ZFHX3: variants seen among roughly 807,000 people sequenced by gnomAD.
ZFHX3 encodes zinc finger homeobox protein 3.
In ZFHX3, 42 loss-of-function variants were observed where a neutral mutation model predicts 279.1. That is an observed-to-expected ratio of 0.15 (90% CI 0.12 to 0.19). The LOEUF is 0.19. ZFHX3 is among the 10% of genes least tolerant of loss of function. ZFHX3 has a pLI of 1.00. For synonymous variants in ZFHX3, 2,293 were observed against 1,957.8 expected (o/e 1.17, Z -4.52); for missense variants, 4,981 against 4,754.0 (o/e 1.05, Z -1.40).
At chr16:73,315,827 C>T (rs975647073) in intron 4 of ZFHX3, among the ~76,000 whole-genome samples, 5 of 152,194 alleles carry the variant, frequency 3.3e-5, no homozygotes, top group African/African-American at 7.2e-5. Flanking sequence ...ACTCACTTCC[C>T]GTTTTCAGTT....
At chr16:72,792,131 G>T (rs1037131841) in intron 9 of ZFHX3, among the ~76,000 whole-genome samples, 3 of 152,176 alleles carry the variant, frequency 2.0e-5, no homozygotes, top group Admixed American at 6.5e-5. Flanking sequence ...ATCCAGAGAA[G>T]ATGTGAGGAC....
chr16:73,023,519 G>A (rs374381547), intron 1 of ZFHX3, among the ~76,000 whole-genome samples: 17 of 152,296 alleles, frequency 1.1e-4, no homozygotes, highest in Non-Finnish European at 2.2e-4. Flanking sequence ...CATAAGCCAC[G>A]AGGGCCAAAG....
rs767605585 is a variant in ZFHX3 at position 72,960,052 on chromosome 16, G to C, written c.94C>G (p.Leu32Val). Reference protein sequence around the residue: ...QQWTELNSTHLPDKPSSMEQS... With the variant: ...QQWTELNSTHVPDKPSSMEQS... ...TCCATGCTACTGGGTTTGTCAGGGA[G>C]GTGGGTGCTGTTGAGTTCAGTCCAT... is the stretch of plus-strand genomic sequence containing the variant. The change falls in exon 2 of 10, where the codon CTC (leucine) becomes GTC (valine). Residue 32 changes from leucine to valine, a missense_variant. By Grantham distance (32) the Leu-to-Val change is conservative. This residue lies in a region of ZFHX3 where 1,068 missense variants were observed against 935.2 expected (regional missense o/e 1.14). Transcript: ENST00000268489. The C allele has an allele frequency of 1.2e-6, 2 of 1,614,074 alleles. No homozygotes were observed. Among genetic ancestry groups the C allele is most frequent in the Non-Finnish European group, 8.5e-7 (1 of 1,179,968 alleles).
chr16:73,419,955 G>A (rs1238030416), intron 3 of ZFHX3: 1 of 151,076 alleles, frequency 6.6e-6, no homozygotes, highest in Non-Finnish European at 1.5e-5. Context: ...CACCCAGGCT[G>A]GAGTCCAGAG....
intron 1 of ZFHX3, among the ~76,000 whole-genome samples, chr16:72,970,626 C>G (rs184785572): frequency 6.6e-6 from 1 of 152,342 alleles, no homozygotes; most frequent in African/African-American, 2.4e-5. Flanking sequence ...CAGCTCACAA[C>G]CCCAACCTTC....
At chr16:73,877,948 T>TA (rs1328441904) in intron 1 of ZFHX3, among the ~76,000 whole-genome samples, 4 of 151,988 alleles carry the variant, frequency 2.6e-5, no homozygotes, top group African/African-American at 9.7e-5. Flanking sequence ...TCTCTTTATT[T>TA]AAAAAAGATA....
intron 2 of ZFHX3, among the ~76,000 whole-genome samples, chr16:73,473,364 A>AAC (rs1555519253): frequency 3.3e-5 from 2 of 60,890 alleles, no homozygotes; most frequent in Non-Finnish European, 3.4e-5. Flanking sequence ...AAAACAAAAA[A>AAC]AAAAAAAACA....
At chr16:73,838,762 C>CTGTGTGTG (rs34111835) in intron 1 of ZFHX3, among the ~76,000 whole-genome samples, 2 of 147,878 alleles carry the variant, frequency 1.4e-5, no homozygotes, top group African/African-American at 2.5e-5. Context: ...GTGTGTGTGT[C>CTGTGTGTG]TGTGTGTGTG....
chr16:73,662,181 C>G (rs1243984251), intron 2 of ZFHX3, among the ~76,000 whole-genome samples: 1 of 152,090 alleles, frequency 6.6e-6, no homozygotes, highest in Admixed American at 6.5e-5. Context: ...ATATAATCAC[C>G]TGTTACAGAA....
intron 2 of ZFHX3, among the ~76,000 whole-genome samples, chr16:73,529,936 G>GGTGTGT (rs10666234): frequency 1.3e-5 from 2 of 151,358 alleles, no homozygotes; most frequent in East Asian, 3.9e-4. Context: ...AAGTATTTTG[G>GGTGTGT]GTGTGTGTGT....
chr16:72,880,512 G>A lies in ZFHX3; in HGVS notation c.3448+9219C>T, dbSNP rs959671205. On this transcript the variant is annotated intron_variant, in intron 4 of 9. Transcript: ENST00000268489. ...GGCCTCGGGAGAAGCCAAAACTGCCGGCACCTGGATCTTGAACCTTTAGCG... is the reference window on the plus strand; with the variant it reads ...GGCCTCGGGAGAAGCCAAAACTGCCAGCACCTGGATCTTGAACCTTTAGCG... Among the ~76,000 whole-genome samples, 4 of 152,170 alleles carry A rather than the reference G, an allele frequency of 2.6e-5. No homozygotes were observed. The South Asian group carries it at 6.2e-4, about 24-fold the overall frequency.
intron 2 of ZFHX3, among the ~76,000 whole-genome samples, chr16:73,540,309 C>CT (rs1202666376): frequency 6.6e-6 from 1 of 152,262 alleles, no homozygotes; most frequent in South Asian, 2.1e-4. Context: ...ACGTGAAACT[C>CT]TTTTTTTGTT....
At chr16:73,524,344 T>C (rs149695028) in intron 2 of ZFHX3, among the ~76,000 whole-genome samples, 46 of 152,300 alleles carry the variant, frequency 3.0e-4, no homozygotes, top group African/African-American at 1.1e-3. Context: ...TCCAACCCCT[T>C]CATTGAACAG....
At position 72,793,849 on chromosome 16, in the gene ZFHX3, C is replaced by T; in HGVS notation, c.8833G>A (p.Gly2945Arg). 6.2e-7 allele frequency: 1 copy of T among 1,614,124 alleles called. No homozygotes were observed. ...GKSGDSGDRP[G>R]QKRFRTQMTN... ...ATTTGAGTGCGAAAACGTTTCTGCC[C>T]AGGCCGATCTCCGCTGTCACCAGAT... Residue 2945 changes from glycine to arginine, a missense_variant, in exon 9 of 10, where the codon GGG becomes AGG. Gly to Arg is a moderately radical substitution (Grantham distance 125). Coordinates refer to ENST00000268489, the MANE Select transcript of ZFHX3 (RefSeq NM_006885.4). This position sits in a 1 kb window ranked among gnomAD's most constrained non-coding sequence, Gnocchi z 4.3.
At chr16:72,986,524 C>T (rs1224225118) in intron 1 of ZFHX3, among the ~76,000 whole-genome samples, 6 of 152,156 alleles carry the variant, frequency 3.9e-5, no homozygotes, top group Non-Finnish European at 7.3e-5. Context: ...GGGCTTGGGT[C>T]CCAAGTTCTA....
At chr16:73,442,361 C>CTTTT (rs34507954) in intron 3 of ZFHX3, among the ~76,000 whole-genome samples, 4 of 144,808 alleles carry the variant, frequency 2.8e-5, no homozygotes, top group Non-Finnish European at 3.0e-5. Context: ...CCCATTTCCT[C>CTTTT]TTTTTTTTTT....
At chr16:73,088,639 A>C (rs1344317532) in intron 8 of ZFHX3, among the ~76,000 whole-genome samples, 1 of 152,210 alleles carries the variant, frequency 6.6e-6, no homozygotes, top group Non-Finnish European at 1.5e-5. Context: ...GGGATCAGGT[A>C]GGTACGGCAG....
At chr16:73,174,091 T>G (rs1386001895) in intron 5 of ZFHX3, among the ~76,000 whole-genome samples, 2 of 152,180 alleles carry the variant, frequency 1.3e-5, no homozygotes, top group Non-Finnish European at 2.9e-5. Flanking sequence ...CGGCTTGAGG[T>G]TCACTGGACG....
chr16:73,780,081 C>T (rs529035894), intron 1 of ZFHX3, among the ~76,000 whole-genome samples: 2 of 138,800 alleles, frequency 1.4e-5, no homozygotes, highest in South Asian at 2.3e-4. Flanking sequence ...GGACTCCTTC[C>T]TGTAAACCAG....
Sources: gnomAD v4.1 joint callset for allele counts (sites outside exome capture counted in the v4.1 genomes callset) on GRCh38, gnomAD v4.1.1 for gene constraint, gnomAD v4.1.1 regional missense constraint, Gnocchi (gnomAD v3.1) non-coding constraint, MANE v1.5 for transcripts, NCBI Gene and HGNC (gene_info 2026-07-23, HGNC 2026-07-21) for gene names.